The following WDFY3 variants were observed in gnomAD, a reference collection of about 807,000 sequenced individuals.
WDFY3 encodes the protein WD repeat and FYVE domain containing 3.
A neutral mutation model predicts 409.6 loss-of-function variants in WDFY3; 66 were observed. That is an observed-to-expected ratio of 0.16 (90% CI 0.13 to 0.20). The LOEUF (loss-of-function observed/expected upper bound fraction) is 0.20. Among genes scored for constraint, WDFY3 ranks in the 10% least tolerant of loss-of-function variants. The pLI is 1.00. For synonymous variants in WDFY3, 1,521 were observed against 1,537.1 expected, an observed-to-expected ratio of 0.99 and a Z score of 0.25; for missense variants, 3,031 against 4,298.1, an observed-to-expected ratio of 0.71 and a Z score of 8.24.
intron 3 of WDFY3, among the ~76,000 whole-genome samples, chr4:84,884,558 A>T (rs1429440503): frequency 6.6e-6 from 1 of 152,218 alleles, no homozygotes; most frequent in Non-Finnish European, 1.5e-5. Context: ...TTAACAATAC[A>T]TATATCTCAA....
chr4:84,797,302 A>C (rs1055505681), intron 18 of WDFY3, among the ~76,000 whole-genome samples: 3 of 152,124 alleles, frequency 2.0e-5, no homozygotes, highest in Non-Finnish European at 4.4e-5. Flanking sequence ...AAAGATTCCC[A>C]TATTTATAAA....
intron 13 of WDFY3, among the ~76,000 whole-genome samples, chr4:84,812,700 A>G (rs2149755420): frequency 6.6e-6 from 1 of 152,316 alleles, no homozygotes; most frequent in Admixed American, 6.5e-5. Context: ...GGTTAGAATT[A>G]TGACTGAGGT....
At chr4:84,964,461 C>T (rs536053420) in intron 1 of WDFY3, among the ~76,000 whole-genome samples, 6 of 152,234 alleles carry the variant, frequency 3.9e-5, no homozygotes, top group East Asian at 1.9e-4. Flanking sequence ...AGGGCAAGAC[C>T]CTGTCTCTAA....
At chr4:84,881,747 G>A (rs1399720775) in intron 3 of WDFY3, among the ~76,000 whole-genome samples, 1 of 151,892 alleles carries the variant, frequency 6.6e-6, no homozygotes, top group Non-Finnish European at 1.5e-5. Flanking sequence ...GAATAGCCAG[G>A]CATGTTGTTG....
intron 15 of WDFY3, among the ~76,000 whole-genome samples, chr4:84,807,466 A>G (rs1676191225): frequency 6.6e-6 from 1 of 152,210 alleles, no homozygotes; most frequent in Non-Finnish European, 1.5e-5. Context: ...AACTCCAACT[A>G]TCTTCAAGTT....
chr4:84,837,385 T>C (rs1756725278), intron 6 of WDFY3, among the ~76,000 whole-genome samples: 1 of 152,246 alleles, frequency 6.6e-6, no homozygotes, highest in East Asian at 1.9e-4. Context: ...AAAAAGACAC[T>C]TAATAACTAC....
intron 44 of WDFY3, among the ~76,000 whole-genome samples, chr4:84,728,779 C>T (rs1736086870): frequency 2.0e-5 from 3 of 152,112 alleles, no homozygotes. Flanking sequence ...AGGCCCAGCA[C>T]TCAATAGTAA....
intron 53 of WDFY3, among the ~76,000 whole-genome samples, chr4:84,707,042 G>T (rs1309703499): frequency 7.3e-5 from 11 of 150,142 alleles, no homozygotes; most frequent in African/African-American, 2.7e-4. Flanking sequence ...CAGCTCAAGT[G>T]ATCCTCCCAT....
chr4:84,806,283 A>C (rs1751491023), intron 15 of WDFY3, among the ~76,000 whole-genome samples: 1 of 152,192 alleles, frequency 6.6e-6, no homozygotes, highest in Admixed American at 6.5e-5. Flanking sequence ...ATTGAGCAAA[A>C]TGTATGCAAG....
In WDFY3 at chr4:84,683,988, G is replaced by A. The variant is rs141966671; in HGVS notation, c.9681C>T (p.Asp3227=). 6.8e-6 allele frequency: 11 copies of A among 1,612,726 alleles called. No individual in the cohort carries two copies. The African/African-American group carries it at 1.1e-4, about 16-fold the overall frequency. The change falls in exon 63 of 68, where the codon GAC becomes GAT. Residue 3227 remains aspartate, a synonymous_variant. Transcript: ENST00000295888. ...GTCCTGTCACTATGACGTTCTGCGT[G>A]TCCCATTCGTTCATCTCCGACATGC... ...CCCMSEMNEW[D]TQNVIVTGHS... is the part of the protein sequence containing the mutation.
intron 51 of WDFY3, 50 bp downstream of exon 51, chr4:84,713,109 C>T (rs1198176558): frequency 1.5e-5 from 23 of 1,578,348 alleles, no homozygotes; most frequent in Non-Finnish European, 2.0e-5. Context: ...AGATATGAAT[C>T]ATCCCAACTT....
intron 1 of WDFY3, among the ~76,000 whole-genome samples, chr4:84,937,761 T>C (rs142954489): frequency 1.4e-3 from 218 of 152,254 alleles, no homozygotes; most frequent in African/African-American, 5.0e-3. Context: ...ACCCCTGACT[T>C]CATTTCCTAC....
chr4:84,940,923 T>C (rs1450838760), intron 1 of WDFY3, among the ~76,000 whole-genome samples: 2 of 151,998 alleles, frequency 1.3e-5, no homozygotes, highest in African/African-American at 2.4e-5. Context: ...TTAAAAACCA[T>C]ATAATCTCAA....
At chr4:84,679,287 G>C (rs1378143702) in intron 64 of WDFY3, 45 bp from the exon 65 acceptor site, 1 of 1,439,544 alleles carries the variant, frequency 6.9e-7, no homozygotes, top group South Asian at 1.6e-5. Context: ...AACCATCAAA[G>C]TTACACCCAG....
At chr4:84,678,484 C>T (rs997781821) in intron 65 of WDFY3, among the ~76,000 whole-genome samples, 2 of 152,194 alleles carry the variant, frequency 1.3e-5, no homozygotes, top group Non-Finnish European at 2.9e-5. Flanking sequence ...AGAAACATCT[C>T]GTTGAAGGAG....
rs137959547 is a variant in WDFY3, at chr4:84,810,325, C to T, written c.1907G>A (p.Arg636Gln). 1.6e-5 allele frequency: 25 copies of T among 1,603,116 alleles called. No individual in the cohort carries two copies. Among genetic ancestry groups the T allele is most frequent in the South Asian group, 5.6e-5 (5 of 90,066 alleles). Residue 636 changes from arginine to glutamine, a missense_variant, in exon 14 of 68, where the codon CGA becomes CAA. Physicochemically the swap from Arg to Gln is conservative, Grantham distance 43. Around this residue, in one of 16 missense-constraint regions of WDFY3, gnomAD observed 1,322 missense variants for 1,697.9 expected, o/e 0.78. Transcript: ENST00000295888. ...AACTGTTCTTGAACGATGGCTTTCTCGAAGGACCGACAGGAGGGCCTACAG... is the reference window on the plus strand; with the variant it reads ...AACTGTTCTTGAACGATGGCTTTCTTGAAGGACCGACAGGAGGGCCTACAG... ...DILRALLSVL[R>Q]ESHRSRTVFR... is the part of the protein sequence containing the mutation.
chr4:84,765,897 G>A lies in WDFY3; in HGVS notation c.5101C>T (p.Leu1701Phe). ...LVVLLSNQSI[L>F]IKFKEGLSGG... ...CTGAGTCCTTCTTTAAACTTGATGA[G>A]AATAGACTGATTACTTAGTAGGACA... Residue 1701 changes from leucine to phenylalanine, a missense_variant, in exon 32 of 68, where the codon CTC becomes TTC. Around this residue, in one of 16 missense-constraint regions of WDFY3, gnomAD observed 342 missense variants for 463.7 expected, o/e 0.74. Transcript: ENST00000295888. 1.2e-6 allele frequency: 2 copies of A among 1,613,876 alleles called. No homozygotes were observed. The highest frequency in any genetic ancestry group is 1.7e-6 in the Non-Finnish European group (2 of 1,179,942).
chr4:84,685,213 G>C (rs1265063550), intron 62 of WDFY3, among the ~76,000 whole-genome samples: 2 of 152,184 alleles, frequency 1.3e-5, no homozygotes. Flanking sequence ...AGCAAAAACA[G>C]AGGAGAACTA....
rs2149930329 is a variant in WDFY3 at position 84,831,551 on chromosome 4, C to G, written c.631G>C (p.Asp211His). 6.2e-7 allele frequency: 1 copy of G among 1,614,040 alleles called. No individual in the cohort carries two copies. The highest frequency in any genetic ancestry group is 8.5e-7 in the Non-Finnish European group (1 of 1,179,956). Residue 211 changes from aspartate to histidine, a missense_variant, in exon 8 of 68, where the codon GAT (aspartate) becomes CAT (histidine). Transcript: ENST00000295888. ...GCACTGAATAGAAGCTGGAGATCAT[C>G]TTTCTGAGCCAGCTCCTCCGCAGGG... ...VSPAEELAQKDDLQLLFSAIT... is the reference protein window; with the variant it reads ...VSPAEELAQKHDLQLLFSAIT...
Sources: gnomAD v4.1 joint callset for allele counts (sites outside exome capture counted in the v4.1 genomes callset) on GRCh38, gnomAD v4.1.1 for gene constraint, gnomAD v4.1.1 regional missense constraint, MANE v1.5 for transcripts, NCBI Gene and HGNC (gene_info 2026-07-23, HGNC 2026-07-21) for gene names.